The following FAM32A variants were observed in gnomAD, a reference collection of about 807,000 sequenced individuals.
FAM32A encodes family with sequence similarity 32 member A.
A neutral mutation model predicts 15.8 loss-of-function variants in FAM32A; 9 were observed. The ratio of observed to expected loss-of-function variants is 0.57; its 90% CI spans 0.34 to 1.00. The LOEUF (loss-of-function observed/expected upper bound fraction) is 1.00. FAM32A is among the 50% of genes least tolerant of loss of function. The pLI, the probability that FAM32A is intolerant of heterozygous loss-of-function variation, is 0.02. For synonymous variants in FAM32A, 64 were observed against 54.9 expected (o/e 1.16, Z -0.73); for missense variants, 113 against 138.3 (o/e 0.82, Z 0.92).
intron 2 of FAM32A, chr19:16,187,688 T>G (rs1311119739): frequency 2.0e-5 from 3 of 151,786 alleles, no homozygotes. Context: ...TGACCTCAGG[T>G]GATCCGCCTG....
rs2091409236 is a variant in FAM32A at position 16,192,028 on chromosome 19, C to T, written c.*1073C>T. ...GTCCTGTGTAAATTACACAATAAAG[C>T]AAAAGTCAGTTATTGTAAGTCTGAG... is the stretch of plus-strand genomic sequence containing the variant. On this transcript the variant is annotated 3_prime_UTR_variant, in exon 4 of 4. Transcript: ENST00000263384. 6.6e-6 allele frequency: 1 copy of T among 150,806 alleles called. No individual in the cohort carries two copies. Among genetic ancestry groups the T allele is most frequent in the Non-Finnish European group, 1.5e-5 (1 of 67,828 alleles). The allele number at this position is 150,806 out of a possible 1,614,324, so 9.3% of individuals were successfully genotyped here. A position where few individuals can be genotyped will look rare whatever the true frequency, so the allele number is the denominator to read the frequency against.
chr19:16,190,778 G>A, intron 3 of FAM32A, 109 bp from the exon 4 acceptor site: 1 of 996,928 alleles, frequency 1.0e-6, no homozygotes, highest in Non-Finnish European at 1.6e-6. Flanking sequence ...TGAGAGGAGG[G>A]GGCTCAGGAG....
chr19:16,189,555 T>C (rs895188719), intron 2 of FAM32A: 10 of 151,660 alleles, frequency 6.6e-5, no homozygotes, highest in African/African-American at 2.4e-5. Flanking sequence ...GGATGAATCA[T>C]AGGCAGCACA....
chr19:16,190,894 A>C lies in FAM32A; in HGVS notation c.278A>C (p.Asn93Thr), dbSNP rs1425107725. ...KTHKQRVEDF[N>T]RHLDTLTEHY... Reference sequence around the variant, plus strand: ...TCTACTCCACCTCCCCAGGACTTCAACAGACACCTGGACACACTCACGGAG... The same window carrying C: ...TCTACTCCACCTCCCCAGGACTTCACCAGACACCTGGACACACTCACGGAG... Residue 93 changes from asparagine to threonine, a missense_variant, in exon 4 of 4, where the codon AAC becomes ACC. Transcript: ENST00000263384. 2 of 1,614,046 alleles carry C rather than the reference A, an allele frequency of 1.2e-6. No homozygotes were observed. The highest frequency in any genetic ancestry group is 1.7e-6 in the Non-Finnish European group (2 of 1,179,940).
chr19:16,190,287 C>A (rs963567131), intron 2 of FAM32A, among the ~76,000 whole-genome samples: 1 of 152,126 alleles, frequency 6.6e-6, no homozygotes, highest in African/African-American at 2.4e-5. Flanking sequence ...CTCATGGGTA[C>A]GCGCTCAGGC....
rs142490838 is a variant in FAM32A at position 16,187,993 on chromosome 19, G to A, written c.216+2228G>A. The stretch of plus-strand genomic sequence containing the variant: ...TCTCCTGACCTCAAGTGATTCACCC[G>A]CCTCAGCCTCCCAAAGTGCTGGGAT... On this transcript the variant is annotated intron_variant, in intron 2 of 3. Transcript: ENST00000263384. Among the ~76,000 whole-genome samples, 681 of 152,144 alleles carry A rather than the reference G, an allele frequency of 4.5e-3. 6 individuals are homozygous for A. Among genetic ancestry groups the A allele is most frequent in the African/African-American group, 0.016 (654 of 41,490 alleles).
In FAM32A at chr19:16,185,611, T is replaced by A. The variant is rs1367435577; in HGVS notation, c.75-13T>A. 6 of 1,599,200 alleles carry A rather than the reference T, an allele frequency of 3.8e-6. No homozygotes were observed. Among genetic ancestry groups the A allele is most frequent in the Non-Finnish European group, 3.4e-6 (4 of 1,172,470 alleles). ...GATCCTCCGACCCGCCGCCTCCTCA[T>A]GTCTTTTTCCAGGAAGAAGAAAAAG... On this transcript the variant is annotated splice_polypyrimidine_tract_variant and intron_variant, in intron 1 of 3. Transcript: ENST00000263384.
chr19:16,185,630 G>A lies in FAM32A; in HGVS notation c.81G>A (p.Lys27=), dbSNP rs752020026. The A allele has an allele frequency of 2.5e-6, 4 of 1,600,040 alleles. No homozygotes were observed. In the South Asian group the frequency reaches 3.4e-5, roughly 14 times the overall value. Residue 27 remains lysine, a synonymous_variant, in exon 2 of 4, where the codon AAG becomes AAA. Coordinates refer to ENST00000263384, the MANE Select transcript of FAM32A (RefSeq NM_014077.4). ...VAELGVTKRK[K]KKKDKDKAKL... ...TCCTCATGTCTTTTTCCAGGAAGAA[G>A]AAAAAGAAGGACAAAGACAAAGCGA...
At position 16,190,998 on chromosome 19, in the gene FAM32A, GGCCACACTGGGGT is replaced by G; in HGVS notation, c.*44_*56del. 7.0e-7 allele frequency: 1 copy of G among 1,436,420 alleles called. No individual in the cohort carries two copies. The highest frequency in any genetic ancestry group is 9.8e-7 in the Non-Finnish European group (1 of 1,018,114). The allele number at this position is 1,436,420 out of a possible 1,614,324, so 89.0% of individuals were successfully genotyped here. On this transcript the variant is annotated 3_prime_UTR_variant, in exon 4 of 4. Coordinates refer to ENST00000263384, the MANE Select transcript of FAM32A (RefSeq NM_014077.4). Reference sequence around the variant, plus strand: ...GGAGCAGCATCGAGGGTTCGCAAAAGGCCACACTGGGGTTGTGTGTGTTTCCTTTGGTATATTC... The same window carrying G: ...GGAGCAGCATCGAGGGTTCGCAAAAGTGTGTGTGTTTCCTTTGGTATATTC...
intron 3 of FAM32A, 77 bp from the exon 4 acceptor site, chr19:16,190,810 G>A: frequency 8.2e-7 from 1 of 1,213,976 alleles, no homozygotes; most frequent in South Asian, 1.2e-5. Flanking sequence ...GGGAGAGGTG[G>A]GGCTGGGCAG....
At chr19:16,185,554 C>G (rs919773869) in intron 1 of FAM32A, 38 bp downstream of exon 1, 2 of 1,575,558 alleles carry the variant, frequency 1.3e-6, no homozygotes, top group African/African-American at 2.7e-5. Flanking sequence ...GTCTTCATCC[C>G]CCTTAGACCT....
intron 2 of FAM32A, 89 bp downstream of exon 2, chr19:16,185,854 C>G: frequency 7.0e-7 from 1 of 1,426,426 alleles, no homozygotes; most frequent in Non-Finnish European, 9.4e-7. Context: ...GCTCCGAGGG[C>G]AGGGGAGCGG....
Position 16,191,152 on chromosome 19 carries a change from T to C in FAM32A, c.*197T>C. 1.7e-6 allele frequency: 1 copy of C among 592,150 alleles called. No individual in the cohort carries two copies. The highest frequency in any genetic ancestry group is 3.0e-6 in the Non-Finnish European group (1 of 327,956). 36.7% of individuals were successfully genotyped at this position (592,150 alleles called of 1,614,324 possible). Reference sequence around the variant, plus strand: ...GATCGTCCTTGTACTCAGTTTAGGCTTCTTGGCAACATACAGAAGATACAC... The same window carrying C: ...GATCGTCCTTGTACTCAGTTTAGGCCTCTTGGCAACATACAGAAGATACAC... On this transcript the variant is annotated 3_prime_UTR_variant, in exon 4 of 4. Transcript: ENST00000263384.
chr19:16,186,939 G>A (rs55794519), intron 2 of FAM32A, among the ~76,000 whole-genome samples: 12,662 of 152,190 alleles, frequency 0.083, 718 homozygotes, highest in East Asian at 0.31. Flanking sequence ...AGAGTGATCC[G>A]GCTCCAAATG....
chr19:16,188,117 A>T (rs1428399737), intron 2 of FAM32A, among the ~76,000 whole-genome samples: 1 of 152,170 alleles, frequency 6.6e-6, no homozygotes, highest in Non-Finnish European at 1.5e-5. Context: ...TTATTGCTGG[A>T]AGCCAGAATG....
Position 16,185,456 on chromosome 19 carries a change from A to G in FAM32A, c.14A>G (p.Glu5Gly), listed in dbSNP as rs768774298. MEAY[E>G]QVQKGPLKLK... is the part of the protein sequence containing the mutation. ...CTGGAGAGTGTCATGGAGGCCTACG[A>G]GCAGGTCCAAAAGGGACCCCTGAAG... is the stretch of plus-strand genomic sequence containing the variant. The change falls in exon 1 of 4, where the codon GAG becomes GGG. Residue 5 changes from glutamate to glycine, a missense_variant. Physicochemically the swap from Glu to Gly is moderately conservative, Grantham distance 98 (BLOSUM62 -2). Transcript: ENST00000263384. 1.3e-6 allele frequency: 2 copies of G among 1,559,174 alleles called. No individual in the cohort carries two copies. Among genetic ancestry groups the G allele is most frequent in the Non-Finnish European group, 1.7e-6 (2 of 1,151,084 alleles).
chr19:16,189,141 G>C (rs285235), intron 2 of FAM32A, among the ~76,000 whole-genome samples: 22,764 of 149,700 alleles, frequency 0.15, 2,861 homozygotes, highest in African/African-American at 0.33. Flanking sequence ...TCCTGCCTCA[G>C]CCTCCCAAGT....
At chr19:16,187,158 G>A (rs1301984817) in intron 2 of FAM32A, among the ~76,000 whole-genome samples, 1 of 152,156 alleles carries the variant, frequency 6.6e-6, no homozygotes, top group Non-Finnish European at 1.5e-5. Flanking sequence ...CCCTGGGCAA[G>A]CCGGCTACCT....
rs1353571235 is a variant in FAM32A, at chr19:16,191,814, A to G, written c.*859A>G. 2 of 152,284 alleles carry G rather than the reference A, an allele frequency of 1.3e-5. No individual in the cohort carries two copies. The highest frequency in any genetic ancestry group is 2.9e-5 in the Non-Finnish European group (2 of 68,098). The allele number at this position is 152,284 out of a possible 1,614,324, so 9.4% of individuals were successfully genotyped here. On this transcript the variant is annotated 3_prime_UTR_variant, in exon 4 of 4. Coordinates refer to ENST00000263384, the MANE Select transcript of FAM32A (RefSeq NM_014077.4). ...AGGACCAGGGCAGAGCCCCGGTACA[A>G]ACAGACAAGGCTGCAGTCAAATGGG...
Sources: gnomAD v4.1 joint callset for allele counts (sites outside exome capture counted in the v4.1 genomes callset) on GRCh38, gnomAD v4.1.1 for gene constraint, MANE v1.5 for transcripts, NCBI Gene and HGNC (gene_info 2026-07-23, HGNC 2026-07-21) for gene names.